The following MACROD2 variants were observed in gnomAD, a reference collection of about 807,000 sequenced individuals.
MACROD2 encodes the protein mono-ADP ribosylhydrolase 2, also known as ADP-ribose glycohydrolase MACROD2.
In MACROD2, 36 loss-of-function variants were observed where a neutral mutation model predicts 70.4. That is an observed-to-expected ratio of 0.51 (90% CI 0.39 to 0.68). The LOEUF is 0.68. MACROD2 is among the 30% of genes least tolerant of loss of function. MACROD2 has a pLI of 0.00. For synonymous variants in MACROD2, 172 were observed against 178.8 expected, an observed-to-expected ratio of 0.96 and a Z score of 0.30; for missense variants, 496 against 538.4, an observed-to-expected ratio of 0.92 and a Z score of 0.78.
chr20:15,444,749 G>A (rs952068071), intron 7 of MACROD2, among the ~76,000 whole-genome samples: 1 of 151,900 alleles, frequency 6.6e-6, no homozygotes. Flanking sequence ...ATCTTCCTAG[G>A]CCTTAATAAC....
intron 3 of MACROD2, among the ~76,000 whole-genome samples, chr20:14,190,694 ATATATTTTTTTTTT>A (rs1277757297): frequency 5.1e-5 from 2 of 38,986 alleles, no homozygotes; most frequent in African/African-American, 2.1e-4. Flanking sequence ...ATATATATAT[ATATATTTTTTTTTT>A]TTTTTTTTTT....
At chr20:15,066,849 TC>T (rs1238342655) in intron 5 of MACROD2, among the ~76,000 whole-genome samples, 2 of 147,390 alleles carry the variant, frequency 1.4e-5, no homozygotes, top group Non-Finnish European at 3.0e-5. Flanking sequence ...ACCACTGCAC[TC>T]CATCCTGGGT....
chr20:15,127,953 C>A (rs1295243171), intron 5 of MACROD2, among the ~76,000 whole-genome samples: 1 of 152,116 alleles, frequency 6.6e-6, no homozygotes, highest in Non-Finnish European at 1.5e-5. Context: ...TTAGAACACA[C>A]TGCTTCTTCT....
In MACROD2 at chr20:15,755,526, C is replaced by T. The variant is rs1045156539; in HGVS notation, c.646-107219C>T. 3.3e-5 allele frequency among the ~76,000 whole-genome samples: 5 copies of T among 152,278 alleles called. No homozygotes were observed. The East Asian group carries it at 9.7e-4, about 29-fold the overall frequency. On this transcript the variant is annotated intron_variant, in intron 8 of 17. Transcript: ENST00000684519. ...CCATATGCACGTGCACTGGAATATA[C>T]TCTACCCTCTGATTCCTCTACAAAG...
chr20:15,017,723 C>T (rs921977468), intron 5 of MACROD2, among the ~76,000 whole-genome samples: 1 of 152,244 alleles, frequency 6.6e-6, no homozygotes, highest in African/African-American at 2.4e-5. Context: ...CAATTCTAGA[C>T]TTCTGTGCAC....
At chr20:14,368,554 A>C (rs1281980907) in intron 3 of MACROD2, among the ~76,000 whole-genome samples, 1 of 150,132 alleles carries the variant, frequency 6.7e-6, no homozygotes. Context: ...AAAAAAAAAC[A>C]CACACACACA....
intron 5 of MACROD2, among the ~76,000 whole-genome samples, chr20:15,036,296 G>T (rs2075312542): frequency 6.6e-6 from 1 of 152,102 alleles, no homozygotes; most frequent in African/African-American, 2.4e-5. Context: ...ATGACCAGTC[G>T]ATAATCCATA....
chr20:14,409,775 C>T (rs576914819), intron 3 of MACROD2, among the ~76,000 whole-genome samples: 4 of 152,194 alleles, frequency 2.6e-5, no homozygotes, highest in African/African-American at 4.8e-5. Context: ...AATTGCTGCT[C>T]GGGTTGGAGA....
At chr20:14,281,817 C>T (rs2082308442) in intron 3 of MACROD2, among the ~76,000 whole-genome samples, 1 of 151,460 alleles carries the variant, frequency 6.6e-6, no homozygotes, top group Non-Finnish European at 1.5e-5. Context: ...TGCTTGTAAT[C>T]CCAGCTACTC....
chr20:15,367,030 A>ATT (rs35222848), intron 6 of MACROD2, among the ~76,000 whole-genome samples: 2,541 of 137,308 alleles, frequency 0.019, 81 homozygotes, highest in African/African-American at 0.063. Flanking sequence ...AAAATTACTG[A>ATT]TTTTTTTTTT....
At chr20:15,602,004 G>A (rs2048827915) in intron 8 of MACROD2, among the ~76,000 whole-genome samples, 2 of 150,408 alleles carry the variant, frequency 1.3e-5, no homozygotes, top group African/African-American at 4.9e-5. Flanking sequence ...CTCCAGCCTG[G>A]ACAACAGAGC....
At chr20:14,130,997 T>C (rs558678023) in intron 3 of MACROD2, among the ~76,000 whole-genome samples, 33 of 151,488 alleles carry the variant, frequency 2.2e-4, no homozygotes, top group African/African-American at 7.8e-4. Flanking sequence ...CAATCATAGC[T>C]TACTGCAACC....
At chr20:15,023,324 T>C (rs983946957) in intron 5 of MACROD2, among the ~76,000 whole-genome samples, 2 of 152,202 alleles carry the variant, frequency 1.3e-5, no homozygotes, top group Admixed American at 1.3e-4. Flanking sequence ...GAGGCTTACT[T>C]GGGCCACCAT....
At chr20:15,464,827 G>C (rs1450444391) in intron 7 of MACROD2, among the ~76,000 whole-genome samples, 1 of 151,984 alleles carries the variant, frequency 6.6e-6, no homozygotes, top group East Asian at 1.9e-4. Flanking sequence ...TCTATTTTTT[G>C]CTTGGGCTTT....
chr20:14,003,017 T>C (rs924185465), intron 2 of MACROD2, among the ~76,000 whole-genome samples: 6 of 152,200 alleles, frequency 3.9e-5, no homozygotes, highest in Admixed American at 2.6e-4. Flanking sequence ...AACAACATAA[T>C]AGATTTAATG....
At chr20:14,986,302 AC>A (rs538933431) in intron 5 of MACROD2, among the ~76,000 whole-genome samples, 15 of 151,728 alleles carry the variant, frequency 9.9e-5, no homozygotes, top group African/African-American at 3.4e-4. Context: ...TTTCTTTATG[AC>A]CCCCATTAAA....
At chr20:14,029,852 C>G (rs2053225149) in intron 2 of MACROD2, among the ~76,000 whole-genome samples, 1 of 152,144 alleles carries the variant, frequency 6.6e-6, no homozygotes, top group South Asian at 2.1e-4. Flanking sequence ...TCGATACTTT[C>G]TGTTATTGAT....
chr20:14,806,728 G>C (rs576569013), intron 5 of MACROD2, among the ~76,000 whole-genome samples: 261 of 152,200 alleles, frequency 1.7e-3, no homozygotes, highest in African/African-American at 5.9e-3. Context: ...GTCTGAAGTT[G>C]ACCTGGGATG....
At chr20:15,387,616 T>C (rs2045734657) in intron 6 of MACROD2, among the ~76,000 whole-genome samples, 1 of 151,862 alleles carries the variant, frequency 6.6e-6, no homozygotes, top group South Asian at 2.1e-4. Flanking sequence ...TTCCACCCTC[T>C]ACACCAGGTC....
Sources: gnomAD v4.1 joint callset for allele counts (sites outside exome capture counted in the v4.1 genomes callset) on GRCh38, gnomAD v4.1.1 for gene constraint, MANE v1.5 for transcripts, NCBI Gene and HGNC (gene_info 2026-07-23, HGNC 2026-07-21) for gene names.